The following TMEM51 variants were observed in gnomAD, a reference collection of about 807,000 sequenced individuals.
TMEM51 encodes the protein transmembrane protein 51, also known as chromosome 1 open reading frame 72.
In TMEM51, 8 loss-of-function variants were observed where a neutral mutation model predicts 13.6. The observed-to-expected ratio is 0.59, with a 90% CI of 0.35 to 1.07. The LOEUF (loss-of-function observed/expected upper bound fraction) is 1.07, where lower values mean the gene tolerates loss of function less well. Among genes scored for constraint, TMEM51 ranks in the 50% least tolerant of loss-of-function variants. TMEM51 has a pLI of 0.02. For missense variants in TMEM51, 279 were observed against 330.7 expected (o/e 0.84, Z 1.21); for synonymous variants, 147 against 144.4 (o/e 1.02, Z -0.13).
chr1:15,170,921 G>A (rs537209397), intron 1 of TMEM51, among the ~76,000 whole-genome samples: 1 of 152,040 alleles, frequency 6.6e-6, no homozygotes, highest in Non-Finnish European at 1.5e-5. Flanking sequence ...GTAGAGACGG[G>A]GTTTAACCGT....
intron 1 of TMEM51, 60 bp downstream of exon 1, chr1:15,154,014 C>A (rs1642493764): frequency 1.3e-5 from 2 of 152,258 alleles, no homozygotes; most frequent in Admixed American, 1.3e-4. Context: ...GTCGGTTCCC[C>A]ACAGGGCCGT....
At chr1:15,193,265 C>G (rs1390251694) in intron 1 of TMEM51, among the ~76,000 whole-genome samples, 2 of 152,240 alleles carry the variant, frequency 1.3e-5, no homozygotes, top group Non-Finnish European at 2.9e-5. Context: ...CTAGGCCTCC[C>G]TCTCCAGGCT....
intron 1 of TMEM51, among the ~76,000 whole-genome samples, chr1:15,157,384 G>C (rs908609994): frequency 6.6e-6 from 1 of 152,208 alleles, no homozygotes; most frequent in East Asian, 1.9e-4. Flanking sequence ...GGGGCCAGAG[G>C]GATCTTAGCC....
At chr1:15,159,582 G>A (rs6429720) in intron 1 of TMEM51, among the ~76,000 whole-genome samples, 55,047 of 152,080 alleles carry the variant, frequency 0.36, 11,469 homozygotes, top group East Asian at 0.6. Context: ...TTTTGAGACA[G>A]AGTCTCGCTC....
rs760283741 is a variant in TMEM51, at chr1:15,219,984, C to G, written c.*241C>G. 1.8e-6 allele frequency: 1 copy of G among 544,840 alleles called. No homozygotes were observed. The highest frequency in any genetic ancestry group is 3.3e-6 in the Non-Finnish European group (1 of 306,772). 33.8% of individuals were successfully genotyped at this position (544,840 alleles called of 1,614,324 possible). On this transcript the variant is annotated 3_prime_UTR_variant, in exon 4 of 4. Transcript: ENST00000376008. ...TTGGAGCTGGTGAATCTGTGGACCA[C>G]ATTCAAGGGTGTGGCACAGGCATCT...
chr1:15,199,134 AC>A (rs750067109), intron 1 of TMEM51, among the ~76,000 whole-genome samples: 41 of 120,316 alleles, frequency 3.4e-4, no homozygotes, highest in Middle Eastern at 4.5e-3. Context: ...GTTCACGGAG[AC>A]TTTTTTTTTT....
At chr1:15,165,751 C>T (rs1268619958) in intron 1 of TMEM51, among the ~76,000 whole-genome samples, 3 of 152,148 alleles carry the variant, frequency 2.0e-5, no homozygotes, top group African/African-American at 7.2e-5. Flanking sequence ...AATTGCAGCT[C>T]TTTCATATAC....
At chr1:15,158,114 G>A (rs756757225) in intron 1 of TMEM51, among the ~76,000 whole-genome samples, 3 of 152,040 alleles carry the variant, frequency 2.0e-5, no homozygotes, top group Non-Finnish European at 2.9e-5. Flanking sequence ...TTTTCAACTC[G>A]TCATTACAGT....
At chr1:15,193,700 G>A (rs1157470714) in intron 1 of TMEM51, among the ~76,000 whole-genome samples, 4 of 150,378 alleles carry the variant, frequency 2.7e-5, no homozygotes, top group South Asian at 2.1e-4. Context: ...TTACAGGTGC[G>A]TGCCACCACG....
intron 1 of TMEM51, among the ~76,000 whole-genome samples, chr1:15,157,632 G>A (rs1035538189): frequency 6.6e-6 from 1 of 152,180 alleles, no homozygotes; most frequent in African/African-American, 2.4e-5. Flanking sequence ...TGGTCAGGAG[G>A]AGTAAGGGCC....
chr1:15,160,652 A>G (rs965345885), intron 1 of TMEM51, among the ~76,000 whole-genome samples: 1 of 152,098 alleles, frequency 6.6e-6, no homozygotes, highest in Non-Finnish European at 1.5e-5. Flanking sequence ...CAGCTTCCTT[A>G]AAACTGCCTG....
At chr1:15,191,166 G>A (rs938619011) in intron 1 of TMEM51, among the ~76,000 whole-genome samples, 2 of 152,214 alleles carry the variant, frequency 1.3e-5, no homozygotes, top group Non-Finnish European at 2.9e-5. Context: ...GAAGCTGGAT[G>A]CATATGCTTT....
intron 1 of TMEM51, among the ~76,000 whole-genome samples, chr1:15,200,013 GC>G (rs1158946421): frequency 6.6e-6 from 1 of 152,124 alleles, no homozygotes; most frequent in Non-Finnish European, 1.5e-5. Context: ...GAGGGCCTAA[GC>G]GAAGCAAATG....
At chr1:15,180,634 A>G (rs1056468339) in intron 1 of TMEM51, among the ~76,000 whole-genome samples, 1 of 152,144 alleles carries the variant, frequency 6.6e-6, no homozygotes, top group African/African-American at 2.4e-5. Flanking sequence ...CCACTTCTCC[A>G]TGATTGCCTA....
chr1:15,209,545 G>T (rs12726259), intron 1 of TMEM51, among the ~76,000 whole-genome samples: 16,427 of 152,146 alleles, frequency 0.11, 1,137 homozygotes, highest in South Asian at 0.16. Flanking sequence ...TTGCTTTTCT[G>T]TTCAACATTA....
At chr1:15,183,684 T>C (rs556597433) in intron 1 of TMEM51, among the ~76,000 whole-genome samples, 8 of 152,340 alleles carry the variant, frequency 5.3e-5, no homozygotes, top group Non-Finnish European at 7.3e-5. Flanking sequence ...TCATAGAGCT[T>C]ACACCAGGGA....
chr1:15,208,357 C>T (rs1356426696), intron 1 of TMEM51, among the ~76,000 whole-genome samples: 1 of 152,126 alleles, frequency 6.6e-6, no homozygotes, highest in Non-Finnish European at 1.5e-5. Context: ...CATGGTGGCT[C>T]ATGCCTGCAA....
In TMEM51 at chr1:15,201,944, G is replaced by A. The variant is rs140239941; in HGVS notation, c.-266-8546G>A. Among the ~76,000 whole-genome samples, 453 of 152,266 alleles carry A rather than the reference G, an allele frequency of 3.0e-3. 4 individuals are homozygous for A. The highest frequency in any genetic ancestry group is 0.01 in the African/African-American group (423 of 41,552). ...GCAGAGGGCTGGCTGTCTGCTTCAC[G>A]TACCTCGACTTTTGGCTTAAAAGCC... On this transcript the variant is annotated intron_variant, in intron 1 of 3. Transcript: ENST00000376008.
At chr1:15,158,351 A>G (rs1213143206) in intron 1 of TMEM51, among the ~76,000 whole-genome samples, 1 of 152,192 alleles carries the variant, frequency 6.6e-6, no homozygotes, top group Non-Finnish European at 1.5e-5. Flanking sequence ...ACTCTTAGAA[A>G]TGGAAGCCAC....
Sources: gnomAD v4.1 joint callset for allele counts (sites outside exome capture counted in the v4.1 genomes callset) on GRCh38, gnomAD v4.1.1 for gene constraint, MANE v1.5 for transcripts, NCBI Gene and HGNC (gene_info 2026-07-23, HGNC 2026-07-21) for gene names.